Variants in LAMA5 observed in about 807,000 individuals in gnomAD.
LAMA5 encodes the protein laminin subunit alpha 5.
In LAMA5, 260 loss-of-function variants were observed where a neutral mutation model predicts 433.4. That is an observed-to-expected ratio of 0.60 (90% CI 0.54 to 0.66). LAMA5 has a LOEUF of 0.66. Among genes scored for constraint, LAMA5 ranks in the 30% least tolerant of loss-of-function variants. The pLI is 0.00. For missense variants in LAMA5, 5,378 were observed against 5,258.5 expected (o/e 1.02, Z -0.70); for synonymous variants, 2,620 against 2,226.6 (o/e 1.18, Z -4.97).
intron 11 of LAMA5, among the ~76,000 whole-genome samples, chr20:62,340,305 G>GTT (rs34415039): frequency 0.47 from 46,892 of 99,118 alleles, 13,700 homozygotes; most frequent in East Asian, 0.65. Flanking sequence ...AGCCTCCTTT[G>GTT]TTTTTTTTTT....
intron 9 of LAMA5, 139 bp downstream of exon 9, chr20:62,346,367 C>A: frequency 7.3e-7 from 1 of 1,362,378 alleles, no homozygotes. Context: ...GGGGACCCGC[C>A]CCGTGGCCTG....
At chr20:62,336,960 CG>C (rs1568950226) in intron 16 of LAMA5, 174 bp from the exon 17 acceptor site, 1 of 710,116 alleles carries the variant, frequency 1.4e-6, no homozygotes, top group East Asian at 2.7e-5. Flanking sequence ...TCCGCAGCAA[CG>C]GACGTGCCAT....
At chr20:62,317,095 G>A (rs905462823) in intron 55 of LAMA5, 72 bp from the exon 56 acceptor site, 33 of 1,452,960 alleles carry the variant, frequency 2.3e-5, no homozygotes, top group Non-Finnish European at 2.5e-5. Flanking sequence ...AGCCTCCTGC[G>A]CTCACAACCA....
Position 62,367,081 on chromosome 20 carries a change from GC to G in LAMA5, c.164del (p.Gly55AlafsTer31). On this transcript the variant is annotated frameshift_variant, in exon 1 of 80. Coordinates refer to ENST00000252999, the MANE Select transcript of LAMA5 (RefSeq NM_005560.6). LOFTEE classifies it high-confidence loss of function. ...AGGTCGCGGAGGCGGCGATGCGGGC[GC>G]CCTCGGCCAGGTTGAAGTAGGGCGG... Reference protein sequence around the residue: ...LHPPYFNLAEGARIAASATCG... With the variant: ...LHPPYFNLAEXARIAASATCG... 1 of 1,260,738 alleles carries G rather than the reference GC, an allele frequency of 7.9e-7. No individual in the cohort carries two copies. The highest frequency in any genetic ancestry group is 3.1e-5 in the South Asian group (1 of 32,072). 78.1% of individuals were successfully genotyped at this position (1,260,738 alleles called of 1,614,324 possible).
At chr20:62,349,413 A>G (rs893891306) in intron 6 of LAMA5, among the ~76,000 whole-genome samples, 2 of 151,858 alleles carry the variant, frequency 1.3e-5, no homozygotes, top group African/African-American at 4.8e-5. Flanking sequence ...ACAGAGGATC[A>G]GCAACTGCAA....
chr20:62,326,525 G>T, intron 40 of LAMA5, 152 bp downstream of exon 40: 1 of 616,730 alleles, frequency 1.6e-6, no homozygotes. Context: ...CTGACAATGG[G>T]TGTGGGGACC....
At position 62,326,711 on chromosome 20, in the gene LAMA5, C is replaced by A. The variant is rs1979349682; in HGVS notation, c.5264G>T (p.Gly1755Val). Residue 1755 changes from glycine (G) to valine (V), a missense_variant, in exon 40 of 80, where the codon GGC (glycine) becomes GTC (valine). Coordinates refer to ENST00000252999, the MANE Select transcript of LAMA5 (RefSeq NM_005560.6). ...TFLEPAYPTPGHVHRGQLQLV... is the reference protein window; with the variant it reads ...TFLEPAYPTPVHVHRGQLQLV... ...CTGCAGCTGCCCACGGTGAACGTGG[C>A]CAGGCGTGGGGTATGCCGGCTCCAG... 6.2e-7 allele frequency: 1 copy of A among 1,612,838 alleles called. No homozygotes were observed. Among genetic ancestry groups the A allele is most frequent in the Non-Finnish European group, 8.5e-7 (1 of 1,179,808 alleles).
In LAMA5 at chr20:62,311,482, A is replaced by G. The variant is rs759422371; in HGVS notation, c.9861T>C (p.Asn3287=). The G allele has an allele frequency of 3.7e-6, 6 of 1,610,388 alleles. No homozygotes were observed. The highest frequency in any genetic ancestry group is 1.7e-5 in the Admixed American group (1 of 59,836). The change falls in exon 72 of 80, where the codon AAT becomes AAC. Residue 3287 remains asparagine (N), a synonymous_variant. Coordinates refer to ENST00000252999, the MANE Select transcript of LAMA5 (RefSeq NM_005560.6). The stretch of plus-strand genomic sequence containing the variant: ...GGGCGGGTGCACAGCCCGTGCTCAC[A>G]TTGACGCTGCCCAGGTTCTGCTGCA... ...FDLQQNLGSV[N]VSTGCAPALQ...
chr20:62,309,527 C>T (rs1341456636), intron 79 of LAMA5, 52 bp from the exon 80 acceptor site: 3 of 1,449,406 alleles, frequency 2.1e-6, no homozygotes, highest in Non-Finnish European at 2.7e-6. Flanking sequence ...AGCTAGAGAC[C>T]CACAGGCCCT....
chr20:62,334,913 C>T (rs1275072394), intron 20 of LAMA5, 108 bp downstream of exon 20: 16 of 1,037,484 alleles, frequency 1.5e-5, no homozygotes, highest in South Asian at 7.2e-5. Flanking sequence ...ATCCATCACC[C>T]GGGCTTCATG....
Position 62,337,695 on chromosome 20 carries a change from C to T in LAMA5, c.2059G>A (p.Ala687Thr), listed in dbSNP as rs757840397. Residue 687 changes from alanine to threonine, a missense_variant, in exon 16 of 80, where the codon GCA (alanine) becomes ACA (threonine). Physicochemically the swap from Ala to Thr is moderately conservative, Grantham distance 58. Transcript: ENST00000252999. ...CHCSAEGSLH[A>T]ACDPRSGQCS... ...TGCCCACTCCGGGGGTCACAGGCTG[C>T]GTGCAGGGAGCCTTCAGCAGAGCAG... 3.2e-5 allele frequency: 52 copies of T among 1,611,168 alleles called. No individual in the cohort carries two copies. The highest frequency in any genetic ancestry group is 1.7e-4 in the Middle Eastern group (1 of 6,058).
rs1223698027 is a variant in LAMA5, at chr20:62,364,691, CCT to C, written c.298-2141_298-2140del. On this transcript the variant is annotated intron_variant, in intron 1 of 79. Coordinates refer to ENST00000252999, the MANE Select transcript of LAMA5 (RefSeq NM_005560.6). The stretch of plus-strand genomic sequence containing the variant: ...CCCAGGCTGGGCCGGCCAGGGATCC[CCT>C]GATGCCCACCTGGGGCTGTGAGGGC... 2.6e-5 allele frequency among the ~76,000 whole-genome samples: 4 copies of C among 152,352 alleles called. No individual in the cohort carries two copies. In the East Asian group the frequency reaches 7.7e-4, roughly 29 times the overall value.
In LAMA5 at chr20:62,335,035, T is replaced by G; in HGVS notation, c.2468A>C (p.Tyr823Ser). Residue 823 changes from tyrosine to serine, a missense_variant, in exon 20 of 80, where the codon TAT becomes TCT. Tyr to Ser is a moderately radical substitution (Grantham distance 144, BLOSUM62 -2). Coordinates refer to ENST00000252999, the MANE Select transcript of LAMA5 (RefSeq NM_005560.6). The stretch of plus-strand genomic sequence containing the variant: ...TGGGCACTCACTGCGGCAGCCAAAA[T>G]AGTCAGCCTGATCCAGTCCAAAGAA... ...DGFFGLDQAD[Y>S]FGCRSCRCDI... 1 of 1,612,702 alleles carries G rather than the reference T, an allele frequency of 6.2e-7. No homozygotes were observed. The highest frequency in any genetic ancestry group is 8.5e-7 in the Non-Finnish European group (1 of 1,179,620).
intron 2 of LAMA5, 137 bp from the exon 3 acceptor site, chr20:62,353,388 G>C (rs866371344): frequency 4.7e-6 from 3 of 635,450 alleles, no homozygotes; most frequent in Non-Finnish European, 8.1e-6. Flanking sequence ...GGCACCTCTG[G>C]GTTTGCCTGT....
chr20:62,329,863 C>T lies in LAMA5; in HGVS notation c.4033G>A (p.Val1345Met), dbSNP rs146005902. The change falls in exon 32 of 80, where the codon GTG (valine) becomes ATG (methionine). Residue 1345 changes from valine (V) to methionine (M), a missense_variant. Transcript: ENST00000252999. ...PHGYGCRTLV[V>M]CEGQALLDVT... ...TCCAGCAGGGCCTGGCCCTCACACACCACCAGGGTGCGGCAGCCGTAGCCA... is the reference window on the plus strand; with the variant it reads ...TCCAGCAGGGCCTGGCCCTCACACATCACCAGGGTGCGGCAGCCGTAGCCA... The T allele has an allele frequency of 1.3e-4, 208 of 1,612,386 alleles. No homozygotes were observed. The African/African-American group carries it at 2.6e-3, about 20-fold the overall frequency.
chr20:62,364,877 G>A (rs1430416102), intron 1 of LAMA5, among the ~76,000 whole-genome samples: 1 of 152,268 alleles, frequency 6.6e-6, no homozygotes, highest in Non-Finnish European at 1.5e-5. Flanking sequence ...AGGCCCCATA[G>A]CCTTAGTGAG....
At chr20:62,322,810 A>T in intron 45 of LAMA5, 52 bp from the exon 46 acceptor site, 6 of 1,206,596 alleles carry the variant, frequency 5.0e-6, no homozygotes, top group Non-Finnish European at 5.6e-6. Flanking sequence ...CCCCCCAGGG[A>T]GCCCCTAGGC....
chr20:62,330,985 G>A (rs372948843), intron 29 of LAMA5, 41 bp from the exon 30 acceptor site: 176 of 1,567,410 alleles, frequency 1.1e-4, no homozygotes, highest in Non-Finnish European at 1.3e-4. Context: ...CGGCCCTGCC[G>A]CCGGGCCCTC....
chr20:62,332,476 G>T lies in LAMA5; in HGVS notation c.3448C>A (p.Leu1150Met). The change falls in exon 28 of 80, where the codon CTG becomes ATG. Residue 1150 changes from leucine (L) to methionine (M), a missense_variant. By Grantham distance (15) the Leu-to-Met change is conservative. Transcript: ENST00000252999. ...LSLHPCLYST[L>M]CRGTARDTQD... ...GTATCCCGGGCAGTGCCCCGGCACA[G>T]GGTGCTGTGGGGGGAGGGTGGTCAG... 1 of 1,612,190 alleles carries T rather than the reference G, an allele frequency of 6.2e-7. No homozygotes were observed. Among genetic ancestry groups the T allele is most frequent in the South Asian group, 1.1e-5 (1 of 91,048 alleles).
Sources: allele counts gnomAD v4.1 joint callset (sites outside exome capture counted in the v4.1 genomes callset), GRCh38; gene constraint gnomAD v4.1.1; transcripts MANE v1.5; gene names NCBI Gene and HGNC (gene_info 2026-07-23, HGNC 2026-07-21).